Variants in STK33 observed in about 807,000 individuals in gnomAD.
The protein encoded by STK33 is serine/threonine-protein kinase 33.
STK33 carries 52 observed loss-of-function variants against 58.0 expected under a neutral mutation model. That is an observed-to-expected ratio of 0.90 (90% CI 0.72 to 1.13). The LOEUF (loss-of-function observed/expected upper bound fraction) is 1.13. Among genes scored for constraint, STK33 ranks in the 50% most tolerant of loss-of-function variants. The pLI is 0.00. For missense variants in STK33, 630 were observed against 604.2 expected (o/e 1.04, Z -0.45); for synonymous variants, 215 against 200.1 (o/e 1.07, Z -0.63).
chr11:8,367,163 G>A, the STK33 span, among the ~76,000 whole-genome samples: 1 of 152,230 alleles, frequency 6.6e-6, no homozygotes, highest in Admixed American at 6.5e-5. Context: ...AAGCGTGTGT[G>A]TATAAGTTCT....
chr11:8,517,375 T>C (rs1050718193), intron 1 of STK33, among the ~76,000 whole-genome samples: 3 of 152,118 alleles, frequency 2.0e-5, no homozygotes, highest in South Asian at 4.1e-4. Context: ...AACACAAAGA[T>C]GGGGAGAAAC....
chr11:8,536,972 A>AATT (rs1565305538), intron 1 of STK33, among the ~76,000 whole-genome samples: 21 of 65,716 alleles, frequency 3.2e-4, no homozygotes, highest in East Asian at 5.8e-4. Flanking sequence ...AAAAAAAAAG[A>AATT]TTTTTTTTTT....
chr11:8,399,645 C>T (rs1284245791), intron 15 of STK33, among the ~76,000 whole-genome samples: 1 of 151,776 alleles, frequency 6.6e-6, no homozygotes, highest in African/African-American at 2.4e-5. Context: ...AAAAGATACA[C>T]AAAAAAACCC....
At position 8,474,913 on chromosome 11, in the gene STK33, A is replaced by C; in HGVS notation, c.-8T>G. 6.4e-7 allele frequency: 1 copy of C among 1,559,320 alleles called. No individual in the cohort carries two copies. ...TAAGCCACTATCAGCCATTTGTTTA[A>C]CTCTGCAACAAAAGCAACTTTAAAA... On this transcript the variant is annotated 5_prime_UTR_variant, in exon 5 of 16. Coordinates refer to ENST00000687296, the MANE Select transcript of STK33 (RefSeq NM_001352389.2).
intron 1 of STK33, among the ~76,000 whole-genome samples, chr11:8,523,580 G>A (rs998707754): frequency 2.0e-5 from 3 of 152,124 alleles, no homozygotes; most frequent in African/African-American, 7.2e-5. Flanking sequence ...TCTGGGAAGC[G>A]AAGAGCCCCT....
chr11:8,445,186 T>C (rs947901212), intron 11 of STK33, among the ~76,000 whole-genome samples: 4 of 152,206 alleles, frequency 2.6e-5, no homozygotes, highest in Admixed American at 2.0e-4. Flanking sequence ...TCTCTGTCTG[T>C]TATTGGTGTC....
intron 15 of STK33, among the ~76,000 whole-genome samples, chr11:8,399,845 A>G (rs140880874): frequency 0.09 from 13,754 of 152,260 alleles, 757 homozygotes; most frequent in East Asian, 0.27. Context: ...AAACACCTCT[A>G]TGCAAATAAA....
chr11:8,546,253 A>G (rs1489676149), intron 1 of STK33, among the ~76,000 whole-genome samples: 2 of 152,162 alleles, frequency 1.3e-5, no homozygotes, highest in African/African-American at 4.8e-5. Context: ...GCTACACTAA[A>G]TTTATTTTTA....
intron 1 of STK33, among the ~76,000 whole-genome samples, chr11:8,488,905 C>T (rs2099073964): frequency 6.6e-6 from 1 of 152,142 alleles, no homozygotes. Flanking sequence ...ACTTACTAGA[C>T]AAAGACTTTA....
intron 1 of STK33, among the ~76,000 whole-genome samples, chr11:8,541,371 G>A (rs149419595): frequency 6.6e-6 from 1 of 152,228 alleles, no homozygotes; most frequent in East Asian, 1.9e-4. Flanking sequence ...GTTGAAGCAA[G>A]ATAACTCAGT....
intron 1 of STK33, among the ~76,000 whole-genome samples, chr11:8,550,748 T>C (rs1956247046): frequency 6.6e-6 from 1 of 152,218 alleles, no homozygotes; most frequent in African/African-American, 2.4e-5. Flanking sequence ...TTGTTGTCCA[T>C]ATCACCTTCA....
At chr11:8,419,216 T>C (rs896393362) in intron 14 of STK33, among the ~76,000 whole-genome samples, 3 of 152,206 alleles carry the variant, frequency 2.0e-5, no homozygotes, top group Non-Finnish European at 4.4e-5. Context: ...CAGTTTTGCA[T>C]TTTACATTTA....
intron 1 of STK33, among the ~76,000 whole-genome samples, chr11:8,586,129 A>G (rs1321827212): frequency 1.3e-5 from 2 of 148,752 alleles, no homozygotes; most frequent in Non-Finnish European, 3.0e-5. Flanking sequence ...AGATGGGAGG[A>G]TGGCTTGAGC....
At chr11:8,435,396 T>C (rs905908436) in intron 14 of STK33, 98 bp downstream of exon 14, 4 of 590,632 alleles carry the variant, frequency 6.8e-6, no homozygotes, top group Non-Finnish European at 7.7e-6. Flanking sequence ...ATCAAACTAA[T>C]TGACTGTTTT....
the STK33 span, among the ~76,000 whole-genome samples, chr11:8,345,941 G>A: frequency 1.3e-5 from 2 of 152,172 alleles, no homozygotes; most frequent in African/African-American, 2.4e-5. Context: ...AGTGGCAACC[G>A]TGCACTAGGT....
At chr11:8,572,084 A>C (rs915080322) in intron 1 of STK33, among the ~76,000 whole-genome samples, 2 of 151,036 alleles carry the variant, frequency 1.3e-5, no homozygotes, top group African/African-American at 4.8e-5. Flanking sequence ...ATTTTAAAAA[A>C]ACTATCCAAG....
At chr11:8,522,475 A>C (rs564026440) in intron 1 of STK33, among the ~76,000 whole-genome samples, 234 of 151,886 alleles carry the variant, frequency 1.5e-3, no homozygotes, top group African/African-American at 5.0e-3. Context: ...GGCCAAAAAA[A>C]AAAAAAGAAT....
At chr11:8,373,258 C>A in the STK33 span, among the ~76,000 whole-genome samples, 5 of 152,102 alleles carry the variant, frequency 3.3e-5, no homozygotes, top group Non-Finnish European at 7.3e-5. Context: ...ATTTCATCGG[C>A]CAAAGTGAGT....
rs145552076 is a variant in STK33, at chr11:8,413,583, G to A, written c.1256C>T (p.Pro419Leu). Residue 419 changes from proline (P) to leucine (L), a missense_variant, in exon 15 of 16, where the codon CCG becomes CTG. Physicochemically the swap from Pro to Leu is moderately conservative, Grantham distance 98 (BLOSUM62 -3). Transcript: ENST00000687296. ...ACTTTTCAACTTTTCTTCAGTGGAC[G>A]GCTTATTCTTCTCTTCTGTTGTGTT... Reference protein sequence around the residue: ...EENTTEEKNKPSTEEKLKSYQ... With the variant: ...EENTTEEKNKLSTEEKLKSYQ... 40 of 1,613,908 alleles carry A rather than the reference G, an allele frequency of 2.5e-5. No individual in the cohort carries two copies. The East Asian group carries it at 3.3e-4, about 13-fold the overall frequency.
Sources: allele counts gnomAD v4.1 joint callset (sites outside exome capture counted in the v4.1 genomes callset), GRCh38; gene constraint gnomAD v4.1.1; transcripts MANE v1.5; gene names NCBI Gene and HGNC (gene_info 2026-07-23, HGNC 2026-07-21).